CDC14A: variants seen among roughly 807,000 people sequenced by gnomAD.
The protein encoded by CDC14A is dual specificity protein phosphatase CDC14A.
In CDC14A, 53 loss-of-function variants were observed where a neutral mutation model predicts 74.4. That is an observed-to-expected ratio of 0.71 (90% CI 0.57 to 0.89). CDC14A has a LOEUF of 0.89. Among genes scored for constraint, CDC14A ranks in the 40% least tolerant of loss-of-function variants. The probability of loss-of-function intolerance (pLI) is 0.00; values close to 1 mark genes in which losing one functional copy is unlikely to be tolerated. For synonymous variants in CDC14A, 247 were observed against 258.4 expected, an observed-to-expected ratio of 0.96 and a Z score of 0.43; for missense variants, 646 against 713.7, an observed-to-expected ratio of 0.91 and a Z score of 1.08.
In CDC14A at chr1:100,499,150, A is replaced by C; in HGVS notation, c.1643A>C (p.Asn548Thr). ...AGCAACAGCAACGGGGGCAACCTGA[A>C]CAGCCCCCCAGGCCCCCACAGCGCC... ...RSSNSNGGNL[N>T]SPPGPHSAKT... The change falls in exon 15 of 16, where the codon AAC (asparagine) becomes ACC (threonine). Residue 548 changes from asparagine to threonine, a missense_variant. Transcript: ENST00000336454. 1 of 1,614,172 alleles carries C rather than the reference A, an allele frequency of 6.2e-7. No homozygotes were observed. The highest frequency in any genetic ancestry group is 8.5e-7 in the Non-Finnish European group (1 of 1,180,020).
intron 15 of CDC14A, among the ~76,000 whole-genome samples, chr1:100,506,463 CA>C (rs1238356746): frequency 6.6e-6 from 1 of 152,118 alleles, no homozygotes; most frequent in Non-Finnish European, 1.5e-5. Context: ...GACAAAGCAT[CA>C]AATTGTTATG....
At chr1:100,484,912 G>T (rs693976) in intron 11 of CDC14A, 958,148 of 974,510 alleles carry the variant, frequency 0.98, 472,133 homozygotes, top group Non-Finnish European at 1. Context: ...AACAAACCAC[G>T]GTAAATAGTT....
chr1:100,405,046 A>G (rs1486865184), intron 4 of CDC14A, among the ~76,000 whole-genome samples: 4 of 152,148 alleles, frequency 2.6e-5, no homozygotes, highest in African/African-American at 4.8e-5. Context: ...GAATCAGACA[A>G]TTCTTTCAAG....
intron 10 of CDC14A, among the ~76,000 whole-genome samples, chr1:100,470,921 T>C (rs7520854): frequency 0.057 from 8,661 of 152,214 alleles, 834 homozygotes; most frequent in African/African-American, 0.2. Flanking sequence ...TGATTTCATT[T>C]CTAGGTATTT....
chr1:100,407,699 C>T lies in CDC14A; in HGVS notation c.310-16523C>T, dbSNP rs114515441. ...CTATTTGAATACCCTTTATTTCTTTCTCTTGTCTGATGGCCTTGGCGAGAA... is the reference window on the plus strand; with the variant it reads ...CTATTTGAATACCCTTTATTTCTTTTTCTTGTCTGATGGCCTTGGCGAGAA... On this transcript the variant is annotated intron_variant, in intron 4 of 15. Transcript: ENST00000336454. Among the ~76,000 whole-genome samples, 1,097 of 152,244 alleles carry T rather than the reference C, an allele frequency of 7.2e-3. 12 individuals carry two copies. The highest frequency in any genetic ancestry group is 0.025 in the African/African-American group (1,050 of 41,542).
chr1:100,370,932 A>G (rs913366733), intron 2 of CDC14A, among the ~76,000 whole-genome samples: 3 of 152,158 alleles, frequency 2.0e-5, no homozygotes, highest in African/African-American at 7.2e-5. Context: ...GTTTCTTCCA[A>G]TCCATGAGCA....
intron 4 of CDC14A, chr1:100,393,714 G>A (rs764975174): frequency 6.3e-5 from 24 of 383,204 alleles, no homozygotes; most frequent in Non-Finnish European, 1.1e-4. Context: ...CCAGCACTTT[G>A]GGAGGCTGAG....
intron 6 of CDC14A, among the ~76,000 whole-genome samples, chr1:100,442,074 C>G (rs1571202598): frequency 2.0e-5 from 3 of 151,618 alleles, no homozygotes; most frequent in African/African-American, 7.3e-5. Context: ...AATATTAGAT[C>G]TGAGCTAGCT....
At chr1:100,501,234 T>C (rs1167020439) in intron 15 of CDC14A, among the ~76,000 whole-genome samples, 4 of 152,368 alleles carry the variant, frequency 2.6e-5, no homozygotes, top group Admixed American at 2.0e-4. Flanking sequence ...CCAGCAGGCA[T>C]TGAGTTCAGT....
rs372568823 is a variant in CDC14A at position 100,497,461 on chromosome 1, T to C, written c.1299-624T>C. On this transcript the variant is annotated intron_variant, in intron 13 of 15. Transcript: ENST00000336454. ...AAGCCAAAGAGTTTCTATAGGCTTG[T>C]GGGCACAGAGGAAAGATGAAATGAT... is the stretch of plus-strand genomic sequence containing the variant. Among the ~76,000 whole-genome samples, 11 of 152,304 alleles carry C rather than the reference T, an allele frequency of 7.2e-5. No homozygotes were observed. In the East Asian group the frequency reaches 1.5e-3, roughly 21 times the overall value.
chr1:100,480,709 T>G (rs1669365457), intron 10 of CDC14A, among the ~76,000 whole-genome samples: 1 of 152,130 alleles, frequency 6.6e-6, no homozygotes, highest in African/African-American at 2.4e-5. Flanking sequence ...ATGAAAAAGG[T>G]TAGAGATGGG....
At chr1:100,418,688 T>C (rs1661853086) in intron 4 of CDC14A, among the ~76,000 whole-genome samples, 1 of 152,098 alleles carries the variant, frequency 6.6e-6, no homozygotes. Context: ...GTGATGATGA[T>C]TGTCATGGAA....
intron 2 of CDC14A, among the ~76,000 whole-genome samples, chr1:100,367,438 A>G (rs950940605): frequency 6.6e-6 from 1 of 152,160 alleles, no homozygotes; most frequent in Non-Finnish European, 1.5e-5. Context: ...CATTATACCA[A>G]AGTTGGTGAT....
rs1012278069 is a variant in CDC14A at position 100,353,844 on chromosome 1, C to T, written c.132C>T (p.Val44=). ...THYFSIDEEL[V]YENFYADFGP... is the part of the protein sequence containing the mutation. ...ATTTCTCCATCGATGAGGAGCTGGTCTATGAAAAGTAAGTTTATGTTTTGT... is the reference window on the plus strand; with the variant it reads ...ATTTCTCCATCGATGAGGAGCTGGTTTATGAAAAGTAAGTTTATGTTTTGT... Residue 44 remains valine (V), a synonymous_variant, in exon 2 of 16, where the codon GTC becomes GTT. Coordinates refer to ENST00000336454, the MANE Select transcript of CDC14A (RefSeq NM_003672.4). 8 of 1,595,342 alleles carry T rather than the reference C, an allele frequency of 5.0e-6. No individual in the cohort carries two copies. In the African/African-American group the frequency reaches 6.7e-5, roughly 13 times the overall value.
chr1:100,363,372 C>G (rs375471290), intron 2 of CDC14A: 1 of 152,182 alleles, frequency 6.6e-6, no homozygotes, highest in African/African-American at 2.4e-5. Context: ...AAAGGAAACC[C>G]TTACCGAGGG....
chr1:100,352,378 G>C, upstream of CDC14A: 1 of 813,048 alleles, frequency 1.2e-6, no homozygotes, highest in Non-Finnish European at 1.5e-6. Flanking sequence ...TCCCTTTAAG[G>C]GATGGCCGCG....
At chr1:100,379,787 A>T (rs1655819835) in intron 3 of CDC14A, among the ~76,000 whole-genome samples, 1 of 152,186 alleles carries the variant, frequency 6.6e-6, no homozygotes, top group African/African-American at 2.4e-5. Flanking sequence ...TCCCTCAGGA[A>T]GCTTTCACTC....
intron 2 of CDC14A, among the ~76,000 whole-genome samples, chr1:100,377,013 C>T: frequency 6.7e-6 from 1 of 150,184 alleles, no homozygotes; most frequent in African/African-American, 2.5e-5. Context: ...GGAGGTGGAA[C>T]TTAAAACTGT....
At chr1:100,469,848 C>T (rs1351952988) in intron 10 of CDC14A, among the ~76,000 whole-genome samples, 1 of 152,116 alleles carries the variant, frequency 6.6e-6, no homozygotes, top group Non-Finnish European at 1.5e-5. Context: ...CCCTATTATA[C>T]TCTTTCTCTC....
Sources: allele counts gnomAD v4.1 joint callset (sites outside exome capture counted in the v4.1 genomes callset), GRCh38; gene constraint gnomAD v4.1.1; transcripts MANE v1.5; gene names NCBI Gene and HGNC (gene_info 2026-07-23, HGNC 2026-07-21).